The following ST6GALNAC1 variants were observed in gnomAD, a reference collection of about 807,000 sequenced individuals.
ST6GALNAC1 encodes alpha-N-acetylgalactosaminide alpha-2,6-sialyltransferase 1.
Under a neutral mutation model 56.8 loss-of-function variants are expected in ST6GALNAC1, and 45 were observed. The observed-to-expected ratio is 0.79, with a 90% CI of 0.62 to 1.02. ST6GALNAC1 has a LOEUF of 1.02. Ranked by LOEUF, ST6GALNAC1 falls within the 50% of genes least tolerant of loss-of-function variation. The pLI, the probability that ST6GALNAC1 is intolerant of heterozygous loss-of-function variation, is 0.00. For synonymous variants in ST6GALNAC1, 295 were observed against 297.8 expected, an observed-to-expected ratio of 0.99 and a Z score of 0.10; for missense variants, 743 against 754.8, an observed-to-expected ratio of 0.98 and a Z score of 0.18.
chr17:76,623,124 G>C (rs1032810201), downstream of ST6GALNAC1, among the ~76,000 whole-genome samples: 2 of 152,174 alleles, frequency 1.3e-5, no homozygotes, highest in Admixed American at 6.5e-5. Flanking sequence ...TACAGACCTA[G>C]TTTGATTTCT....
intron 1 of ST6GALNAC1, among the ~76,000 whole-genome samples, chr17:76,638,452 C>A (rs2076005219): frequency 6.6e-6 from 1 of 152,122 alleles, no homozygotes; most frequent in Admixed American, 6.5e-5. Context: ...TCTTAGCTCA[C>A]TGCAACCTCT....
chr17:76,626,215 C>T (rs1273109838), intron 6 of ST6GALNAC1, 74 bp downstream of exon 6: 5 of 1,563,306 alleles, frequency 3.2e-6, no homozygotes, highest in Admixed American at 3.4e-5. Context: ...CTGTCCCCAC[C>T]TGTCCAACCC....
Position 76,635,592 on chromosome 17 carries a change from G to A in ST6GALNAC1, c.132-5881C>T, listed in dbSNP as rs749855936. Among the ~76,000 whole-genome samples, 27 of 152,266 alleles carry A rather than the reference G, an allele frequency of 1.8e-4. No homozygotes were observed. In the South Asian group the frequency reaches 3.1e-3, roughly 18 times the overall value. On this transcript the variant is annotated intron_variant, in intron 1 of 8. Transcript: ENST00000156626. ...GTGGAGGTTGCAGTGAGCAGGGATC[G>A]CATCACTGCACTCCAGTCTGGGCAG...
chr17:76,620,651 C>G (rs1299258235), downstream of ST6GALNAC1, among the ~76,000 whole-genome samples: 1 of 151,786 alleles, frequency 6.6e-6, no homozygotes, highest in Non-Finnish European at 1.5e-5. Context: ...TCTTGGCTCA[C>G]TGCAACCTCC....
At chr17:76,636,582 A>G (rs1403343194) in intron 1 of ST6GALNAC1, among the ~76,000 whole-genome samples, 1 of 152,132 alleles carries the variant, frequency 6.6e-6, no homozygotes, top group African/African-American at 2.4e-5. Flanking sequence ...TCCAGCCTGG[A>G]TGGCAAAACG....
At chr17:76,637,331 G>A (rs1598305958) in intron 1 of ST6GALNAC1, 1 of 143,462 alleles carries the variant, frequency 7.0e-6, no homozygotes, top group Non-Finnish European at 1.4e-5. Context: ...AAAAGGTTTA[G>A]GATAAATAAA....
In ST6GALNAC1 at chr17:76,629,686, C is replaced by A; in HGVS notation, c.157G>T (p.Glu53Ter). The A allele has an allele frequency of 6.2e-7, 1 of 1,613,440 alleles. No homozygotes were observed. The highest frequency in any genetic ancestry group is 1.1e-5 in the South Asian group (1 of 91,060). Residue 53 changes from glutamate (E) to a stop codon, truncating the protein, a stop_gained, in exon 2 of 9, where the codon GAA becomes TAA. Transcript: ENST00000156626. LOFTEE classifies it high-confidence loss of function. ...SRHQRTENIKERSLQSLAKPK... is the reference protein window; with the variant it reads ...SRHQRTENIK ...TTTGCCAGGGACTGTAGAGACCTTT[C>A]TTTAATGTTCTCTGTGCGTTGATGC...
chr17:76,621,364 G>T (rs2075739203), downstream of ST6GALNAC1, among the ~76,000 whole-genome samples: 1 of 151,486 alleles, frequency 6.6e-6, no homozygotes, highest in African/African-American at 2.4e-5. Flanking sequence ...TGTACTTTTA[G>T]TAGGGATGGG....
chr17:76,636,761 T>C (rs1428230508), intron 1 of ST6GALNAC1, among the ~76,000 whole-genome samples: 1 of 152,068 alleles, frequency 6.6e-6, no homozygotes, highest in Non-Finnish European at 1.5e-5. Context: ...CCACCCCATC[T>C]GGGAGGTGTA....
Position 76,643,555 on chromosome 17 carries a change from G to A in ST6GALNAC1, c.84C>T (p.Leu28=). The change falls in exon 1 of 9, where the codon CTC becomes CTT. Residue 28 remains leucine (L), a synonymous_variant. Coordinates refer to ENST00000156626, the MANE Select transcript of ST6GALNAC1 (RefSeq NM_018414.5). ...SLLLAVLVFF[L]FALPSFIKEP... is the part of the protein sequence containing the mutation. ...CCTTAATAAAAGAGGGCAAGGCGAAGAGAAAGAAGACCAGGACAGCCAGAA... is the reference window on the plus strand; with the variant it reads ...CCTTAATAAAAGAGGGCAAGGCGAAAAGAAAGAAGACCAGGACAGCCAGAA... The A allele has an allele frequency of 1.2e-6, 2 of 1,614,166 alleles. No homozygotes were observed. Among genetic ancestry groups the A allele is most frequent in the Non-Finnish European group, 1.7e-6 (2 of 1,179,996 alleles).
intron 1 of ST6GALNAC1, among the ~76,000 whole-genome samples, chr17:76,640,707 T>C (rs1218121299): frequency 6.6e-6 from 1 of 152,200 alleles, no homozygotes; most frequent in Non-Finnish European, 1.5e-5. Flanking sequence ...TATATAATAT[T>C]AGGGTTGGGA....
At chr17:76,621,186 C>CTTTTTTTTT (rs775271169), downstream of ST6GALNAC1, among the ~76,000 whole-genome samples, 6 of 110,048 alleles carry the variant, frequency 5.5e-5, no homozygotes, top group Admixed American at 1.2e-4. Flanking sequence ...TTCTTTCTTT[C>CTTTTTTTTT]TTTTTTTTTT....
chr17:76,627,955 GGC>G lies in ST6GALNAC1; in HGVS notation c.832-374_832-373del, dbSNP rs2075829837. ...TACTAAAAATACAAAAAATTAGCCGGGCGTGGTGGCGGGCGCCTGTAGTTCCA... is the reference window on the plus strand; with the variant it reads ...TACTAAAAATACAAAAAATTAGCCGGGTGGTGGCGGGCGCCTGTAGTTCCA... On this transcript the variant is annotated intron_variant, in intron 2 of 8. Transcript: ENST00000156626. This position sits in a 1 kb window ranked among gnomAD's most constrained non-coding sequence, Gnocchi z 4.4. Among the ~76,000 whole-genome samples, 1 of 152,018 alleles carries G rather than the reference GGC, an allele frequency of 6.6e-6. No homozygotes were observed. Among genetic ancestry groups the G allele is most frequent in the Admixed American group, 6.6e-5 (1 of 15,264 alleles).
At chr17:76,626,916 G>A (rs2075808367) in intron 4 of ST6GALNAC1, 127 bp from the exon 5 acceptor site, 2 of 1,483,448 alleles carry the variant, frequency 1.3e-6, no homozygotes, top group African/African-American at 2.8e-5. Context: ...CGAGAGCCCA[G>A]GAATTCCACC....
rs1195525825 is a variant in ST6GALNAC1, at chr17:76,629,534, C to A, written c.309G>T (p.Glu103Asp). 6.2e-7 allele frequency: 1 copy of A among 1,613,902 alleles called. No homozygotes were observed. The highest frequency in any genetic ancestry group is 8.5e-7 in the Non-Finnish European group (1 of 1,180,022). Reference protein sequence around the residue: ...KAHTTGDRGKEANQAPPEEQD... With the variant: ...KAHTTGDRGKDANQAPPEEQD... ...GCTCCTCCGGCGGTGCCTGGTTGGC[C>A]TCCTTTCCTCTGTCTCCGGTGGTGT... The change falls in exon 2 of 9, where the codon GAG becomes GAT. Residue 103 changes from glutamate to aspartate, a missense_variant. Glu to Asp is a conservative substitution (Grantham distance 45). Coordinates refer to ENST00000156626, the MANE Select transcript of ST6GALNAC1 (RefSeq NM_018414.5).
chr17:76,619,757 T>C, the ST6GALNAC1 span, among the ~76,000 whole-genome samples: 1 of 148,448 alleles, frequency 6.7e-6, no homozygotes, highest in Non-Finnish European at 1.5e-5. Flanking sequence ...TTTTTTTTTT[T>C]TTTTTTTAGG....
chr17:76,624,024 G>A (rs1341973843), downstream of ST6GALNAC1, among the ~76,000 whole-genome samples: 1 of 152,192 alleles, frequency 6.6e-6, no homozygotes, highest in East Asian at 1.9e-4. Flanking sequence ...AAGGAGCCTG[G>A]GGTGCCGCGG....
Position 76,627,545 on chromosome 17 carries a change from C to T in ST6GALNAC1, c.870G>A (p.Ser290=), listed in dbSNP as rs774352564. 12 of 1,613,992 alleles carry T rather than the reference C, an allele frequency of 7.4e-6. No individual in the cohort carries two copies. In the African/African-American group the frequency reaches 1.1e-4, roughly 14 times the overall value. The part of the protein sequence containing the change: ...PDSVKIKASK[S]LWLQKLFLPN... ...GCAGAAAGAGTTTCTGGAGCCACAG[C>T]GACTTGGAGGCTTTGATCTTCACAG... The change falls in exon 3 of 9, where the codon TCG becomes TCA. Residue 290 remains serine, a synonymous_variant. Transcript: ENST00000156626. This position sits in a 1 kb window ranked among gnomAD's most constrained non-coding sequence, Gnocchi z 4.4.
In ST6GALNAC1 at chr17:76,628,994, G is replaced by A. The variant is rs181093034; in HGVS notation, c.831+18C>T. 10 of 1,520,390 alleles carry A rather than the reference G, an allele frequency of 6.6e-6. No homozygotes were observed. In the African/African-American group the frequency reaches 7.0e-5, roughly 11 times the overall value. 94.2% of individuals were successfully genotyped at this position (1,520,390 alleles called of 1,614,324 possible). A position where few individuals can be genotyped will look rare whatever the true frequency, so the allele number is the denominator to read the frequency against. ...CAGAGCTGGGAGCCAGAGGGAAGGC[G>A]TGGTGGCAAAAACTCACCGTCTGAA... On this transcript the variant is annotated intron_variant, in intron 2 of 8. Transcript: ENST00000156626.
Sources: gnomAD v4.1 joint callset for allele counts (sites outside exome capture counted in the v4.1 genomes callset) on GRCh38, gnomAD v4.1.1 for gene constraint, Gnocchi (gnomAD v3.1) non-coding constraint, MANE v1.5 for transcripts, NCBI Gene and HGNC (gene_info 2026-07-23, HGNC 2026-07-21) for gene names.